DOCK4: variants seen among roughly 807,000 people sequenced by gnomAD.
DOCK4 encodes dedicator of cytokinesis protein 4.
Under a neutral mutation model 268.1 loss-of-function variants are expected in DOCK4, and 97 were observed. The ratio of observed to expected loss-of-function variants is 0.36; its 90% CI spans 0.31 to 0.43. The LOEUF is 0.43. DOCK4 is among the 20% of genes least tolerant of loss of function. The pLI, the probability that DOCK4 is intolerant of heterozygous loss-of-function variation, is 1.00. For synonymous variants in DOCK4, 954 were observed against 887.2 expected (o/e 1.08, Z -1.34); for missense variants, 2,145 against 2,455.7 (o/e 0.87, Z 2.67).
intron 21 of DOCK4, among the ~76,000 whole-genome samples, chr7:111,868,766 G>A (rs1806188271): frequency 6.6e-6 from 1 of 151,884 alleles, no homozygotes; most frequent in South Asian, 2.1e-4. Flanking sequence ...TGAACACTAA[G>A]TGTTTTTGAC....
chr7:112,061,739 T>TCTCA (rs754537305), intron 1 of DOCK4, among the ~76,000 whole-genome samples: 11 of 137,140 alleles, frequency 8.0e-5, no homozygotes, highest in Admixed American at 3.6e-4. Context: ...ATTAACAATG[T>TCTCA]CACACACACA....
Position 111,989,001 on chromosome 7 carries a change from T to C in DOCK4, c.464+14A>G. On this transcript the variant is annotated intron_variant, in intron 6 of 52. Transcript: ENST00000428084. ...TCACCTACTAGAGGCCGCCCTGTGA[T>C]GCTCAATACTCACTCATTGCCCCAG... is the stretch of plus-strand genomic sequence containing the variant. 3 of 1,603,012 alleles carry C rather than the reference T, an allele frequency of 1.9e-6. No individual in the cohort carries two copies. The highest frequency in any genetic ancestry group is 1.7e-4 in the Middle Eastern group (1 of 6,052).
chr7:112,071,084 G>C (rs1169060142), intron 1 of DOCK4, among the ~76,000 whole-genome samples: 1 of 152,190 alleles, frequency 6.6e-6, no homozygotes, highest in East Asian at 1.9e-4. Flanking sequence ...CTTGCCACCA[G>C]ATCAATAGTG....
intron 1 of DOCK4, among the ~76,000 whole-genome samples, chr7:112,087,193 T>C (rs1809171968): frequency 6.6e-6 from 1 of 152,108 alleles, no homozygotes; most frequent in South Asian, 2.1e-4. Context: ...TAGTTCTTGA[T>C]TAATTAATTC....
chr7:112,050,330 A>C (rs1805232211), intron 1 of DOCK4, among the ~76,000 whole-genome samples: 1 of 152,146 alleles, frequency 6.6e-6, no homozygotes, highest in African/African-American at 2.4e-5. Context: ...CTCTTTTGCT[A>C]TCCAATGTTA....
chr7:111,753,193 G>C (rs750417697), intron 42 of DOCK4, among the ~76,000 whole-genome samples: 29 of 152,120 alleles, frequency 1.9e-4, no homozygotes, highest in Non-Finnish European at 2.9e-4. Flanking sequence ...ACATTAATAA[G>C]GCTGGGCATG....
intron 1 of DOCK4, among the ~76,000 whole-genome samples, chr7:112,167,880 T>C (rs1359161046): frequency 6.6e-6 from 1 of 152,142 alleles, no homozygotes; most frequent in Non-Finnish European, 1.5e-5. Flanking sequence ...CTAGCAAACT[T>C]CCCACCAGCT....
chr7:111,786,951 T>C (rs1174489317), intron 32 of DOCK4, among the ~76,000 whole-genome samples: 1 of 152,196 alleles, frequency 6.6e-6, no homozygotes, highest in Non-Finnish European at 1.5e-5. Context: ...TATAGTAGCA[T>C]TTCTAGTAAT....
chr7:111,904,356 A>G (rs1791387212), intron 13 of DOCK4, among the ~76,000 whole-genome samples: 1 of 152,216 alleles, frequency 6.6e-6, no homozygotes, highest in Admixed American at 6.5e-5. Flanking sequence ...ATAAATACAT[A>G]AATAAGTAAA....
chr7:111,812,615 G>A (rs1159633336), intron 27 of DOCK4, among the ~76,000 whole-genome samples: 3 of 152,004 alleles, frequency 2.0e-5, no homozygotes, highest in Admixed American at 2.0e-4. Flanking sequence ...AAAATGCAGA[G>A]GAAAAAATGG....
chr7:112,185,609 A>C (rs1819434043), intron 1 of DOCK4, among the ~76,000 whole-genome samples: 1 of 152,130 alleles, frequency 6.6e-6, no homozygotes, highest in Admixed American at 6.5e-5. Flanking sequence ...TCAGTTAAAA[A>C]AAAAAAAAGA....
rs1480548586 is a variant in DOCK4, at chr7:111,834,685, C to T, written c.2738G>A (p.Gly913Glu). Reference sequence around the variant, plus strand: ...GGACAGGAGACAAGCAACAAACTCCCCCTAAGTTAAAAAAAAAAAAAGCAT... The same window carrying T: ...GGACAGGAGACAAGCAACAAACTCCTCCTAAGTTAAAAAAAAAAAAAGCAT... ...AMRFQFQDVT[G>E]EFVACLLSLL... Residue 913 changes from glycine (G) to glutamate (E), a missense_variant and splice_region_variant, in exon 26 of 53, where the codon GGG becomes GAG. Coordinates refer to ENST00000428084, the MANE Select transcript of DOCK4 (RefSeq NM_001363540.2). 1 of 1,515,338 alleles carries T rather than the reference C, an allele frequency of 6.6e-7. No homozygotes were observed. Among genetic ancestry groups the T allele is most frequent in the Admixed American group, 2.4e-5 (1 of 41,108 alleles). The allele number at this position is 1,515,338 out of a possible 1,614,324, so 93.9% of individuals were successfully genotyped here.
At chr7:111,988,429 A>G (rs562626390) in intron 6 of DOCK4, among the ~76,000 whole-genome samples, 1 of 152,320 alleles carries the variant, frequency 6.6e-6, no homozygotes, top group African/African-American at 2.4e-5. Flanking sequence ...GGTATTTTAA[A>G]TTAGTCACTT....
intron 15 of DOCK4, among the ~76,000 whole-genome samples, chr7:111,899,868 G>A (rs1020203521): frequency 1.3e-5 from 2 of 152,230 alleles, no homozygotes; most frequent in East Asian, 1.9e-4. Context: ...AAGTTGCAGA[G>A]AGCTGAGATT....
chr7:112,194,120 T>G (rs1197923364), intron 1 of DOCK4, among the ~76,000 whole-genome samples: 3 of 152,184 alleles, frequency 2.0e-5, no homozygotes, highest in African/African-American at 7.2e-5. Context: ...AAACATTCAG[T>G]TTATAGCACC....
At chr7:111,767,203 G>T in intron 37 of DOCK4, 85 bp from the exon 38 acceptor site, 5 of 983,406 alleles carry the variant, frequency 5.1e-6, no homozygotes, top group African/African-American at 3.4e-5. Flanking sequence ...AGTGCTTTCA[G>T]AGCACCAAGC....
chr7:112,038,852 C>T (rs991533685), intron 1 of DOCK4, among the ~76,000 whole-genome samples: 9 of 152,220 alleles, frequency 5.9e-5, no homozygotes, highest in African/African-American at 1.9e-4. Flanking sequence ...TTTGTGACTA[C>T]AAGCTATTCC....
chr7:112,141,935 T>C (rs1335421443), intron 1 of DOCK4, among the ~76,000 whole-genome samples: 1 of 152,130 alleles, frequency 6.6e-6, no homozygotes, highest in Non-Finnish European at 1.5e-5. Flanking sequence ...AGGCCAGAAA[T>C]CCACAGTTTT....
intron 16 of DOCK4, among the ~76,000 whole-genome samples, chr7:111,889,337 G>C (rs1204342356): frequency 6.6e-6 from 1 of 152,100 alleles, no homozygotes; most frequent in Non-Finnish European, 1.5e-5. Context: ...TATAGATTAT[G>C]GTTATAGGGT....
Sources: allele counts gnomAD v4.1 joint callset (sites outside exome capture counted in the v4.1 genomes callset), GRCh38; gene constraint gnomAD v4.1.1; transcripts MANE v1.5; gene names NCBI Gene and HGNC (gene_info 2026-07-23, HGNC 2026-07-21).